Variants in GARNL3 observed in about 807,000 individuals in gnomAD.
GARNL3 encodes GTPase activating Rap/RanGAP domain like 3, also known as GTPase-activating Rap/Ran-GAP domain-like protein 3.
GARNL3 carries 63 observed loss-of-function variants against 125.0 expected under a neutral mutation model. The ratio of observed to expected loss-of-function variants is 0.50; its 90% CI spans 0.41 to 0.62. The LOEUF (loss-of-function observed/expected upper bound fraction) is 0.62, where lower values mean the gene tolerates loss of function less well. Among genes scored for constraint, GARNL3 ranks in the 20% least tolerant of loss-of-function variants. GARNL3 has a pLI of 0.00. For synonymous variants in GARNL3, 439 were observed against 457.5 expected (o/e 0.96, Z 0.52); for missense variants, 994 against 1,244.0 (o/e 0.80, Z 3.02).
At chr9:127,312,508 A>C (rs1270303994) in intron 3 of GARNL3, among the ~76,000 whole-genome samples, 2 of 150,894 alleles carry the variant, frequency 1.3e-5, no homozygotes, top group African/African-American at 4.8e-5. Flanking sequence ...TGAAGGGCTC[A>C]AGTGAAAATA....
At chr9:127,285,649 G>C (rs1344885164) in intron 1 of GARNL3, among the ~76,000 whole-genome samples, 1 of 151,976 alleles carries the variant, frequency 6.6e-6, no homozygotes, top group Non-Finnish European at 1.5e-5. Context: ...CTTCTTTCTA[G>C]TTATAATAGT....
chr9:127,259,721 A>G (rs2063550963), upstream of GARNL3, among the ~76,000 whole-genome samples: 1 of 152,050 alleles, frequency 6.6e-6, no homozygotes, highest in African/African-American at 2.4e-5. Flanking sequence ...CCTTTCTAAA[A>G]ACCTGAGAGG....
chr9:127,240,584 A>G (rs2063186625), intron 1 of GARNL3, among the ~76,000 whole-genome samples: 1 of 152,082 alleles, frequency 6.6e-6, no homozygotes, highest in South Asian at 2.1e-4. Context: ...GTGACTTTAC[A>G]TTTTCTAGTA....
intron 22 of GARNL3, 138 bp downstream of exon 22, chr9:127,365,504 G>T: frequency 1.4e-6 from 1 of 738,990 alleles, no homozygotes. Context: ...GGAAGGAACT[G>T]AAAAATACCT....
chr9:127,388,371 T>A (rs1169596544), intron 25 of GARNL3: 1 of 155,354 alleles, frequency 6.4e-6, no homozygotes, highest in Non-Finnish European at 1.4e-5. Flanking sequence ...GCTATAGAGT[T>A]TCCAACTTGC....
At chr9:127,233,702 CA>C (rs1475877876) in intron 1 of GARNL3, among the ~76,000 whole-genome samples, 3 of 152,224 alleles carry the variant, frequency 2.0e-5, no homozygotes, top group African/African-American at 7.2e-5. Context: ...TTGCTCTGTG[CA>C]TGGTGGTTTC....
intron 7 of GARNL3, among the ~76,000 whole-genome samples, chr9:127,326,817 C>T (rs1426722811): frequency 6.6e-6 from 1 of 152,040 alleles, no homozygotes; most frequent in Non-Finnish European, 1.5e-5. Flanking sequence ...GCTTGTTTGC[C>T]CCTTTCACCA....
At chr9:127,352,667 G>A (rs1157923824) in intron 17 of GARNL3, among the ~76,000 whole-genome samples, 2 of 152,172 alleles carry the variant, frequency 1.3e-5, no homozygotes, top group Admixed American at 6.5e-5. Context: ...CTTAGTCTGT[G>A]TTCTGACAAA....
intron 2 of GARNL3, among the ~76,000 whole-genome samples, chr9:127,309,106 A>T (rs1312106950): frequency 6.6e-6 from 1 of 152,206 alleles, no homozygotes; most frequent in African/African-American, 2.4e-5. Flanking sequence ...AATAATACTA[A>T]AATTTTCACC....
rs1037469724 is a variant in GARNL3 at position 127,313,321 on chromosome 9, C to A, written c.320-120C>A. 8 of 758,186 alleles carry A rather than the reference C, an allele frequency of 1.1e-5. No homozygotes were observed. In the African/African-American group the frequency reaches 1.4e-4, roughly 13 times the overall value. 47.0% of individuals were successfully genotyped at this position (758,186 alleles called of 1,614,324 possible). A position where few individuals can be genotyped will look rare whatever the true frequency, so the allele number is the denominator to read the frequency against. Reference sequence around the variant, plus strand: ...GAGATCAGGGTCCATCCCAAGCTGGCTTTGGGATTATTGTTCCCTGAGCAT... The same window carrying A: ...GAGATCAGGGTCCATCCCAAGCTGGATTTGGGATTATTGTTCCCTGAGCAT... On this transcript the variant is annotated intron_variant, in intron 3 of 27. Transcript: ENST00000373387.
intron 21 of GARNL3, chr9:127,365,072 G>T (rs1564182788): frequency 2.1e-6 from 1 of 485,478 alleles, no homozygotes; most frequent in Non-Finnish European, 3.6e-6. Flanking sequence ...AGAGAAGAAA[G>T]AATGGAGAGA....
At chr9:127,226,648 C>T (rs575855908) in intron 1 of GARNL3, among the ~76,000 whole-genome samples, 2 of 152,356 alleles carry the variant, frequency 1.3e-5, no homozygotes, top group South Asian at 2.1e-4. Flanking sequence ...GCCCACCCCT[C>T]CTCCTTCGGA....
intron 22 of GARNL3, among the ~76,000 whole-genome samples, chr9:127,378,341 A>T (rs1039635710): frequency 6.6e-6 from 1 of 152,066 alleles, no homozygotes; most frequent in Non-Finnish European, 1.5e-5. Flanking sequence ...TAATCCCAGC[A>T]CTTTGGGAGG....
At chr9:127,308,957 G>T (rs2065026217) in intron 2 of GARNL3, among the ~76,000 whole-genome samples, 1 of 152,184 alleles carries the variant, frequency 6.6e-6, no homozygotes, top group Non-Finnish European at 1.5e-5. Context: ...AATCTGGTAA[G>T]TAAAAGGTAA....
intron 2 of GARNL3, chr9:127,300,871 A>G (rs2064763096): frequency 6.6e-6 from 2 of 304,282 alleles, no homozygotes; most frequent in African/African-American, 2.3e-5. Context: ...GTTGGTAATG[A>G]ACAGACTCCA....
chr9:127,247,073 A>T (rs1196652894), intron 2 of GARNL3, among the ~76,000 whole-genome samples: 2 of 151,212 alleles, frequency 1.3e-5, no homozygotes, highest in Non-Finnish European at 1.5e-5. Context: ...CAGCTGTCTT[A>T]GTTTGCCTCT....
At position 127,302,341 on chromosome 9, in the gene GARNL3, C is replaced by T. The variant is rs903116754; in HGVS notation, c.220-9295C>T. Among the ~76,000 whole-genome samples, 3 of 152,022 alleles carry T rather than the reference C, an allele frequency of 2.0e-5. No individual in the cohort carries two copies. The East Asian group carries it at 5.8e-4, about 29-fold the overall frequency. ...AAAATGTGTATACCATTTGGCAAGA[C>T]CTTCTATTGCTAGGACGTATATTGT... On this transcript the variant is annotated intron_variant, in intron 2 of 27. Coordinates refer to ENST00000373387, the MANE Select transcript of GARNL3 (RefSeq NM_032293.5).
chr9:127,379,194 C>G (rs1832109870), intron 22 of GARNL3, among the ~76,000 whole-genome samples: 1 of 152,212 alleles, frequency 6.6e-6, no homozygotes, highest in South Asian at 2.1e-4. Flanking sequence ...GGAGCAGTAG[C>G]TTTACTTGGC....
At chr9:127,232,307 C>T (rs2063032622) in intron 1 of GARNL3, among the ~76,000 whole-genome samples, 1 of 152,124 alleles carries the variant, frequency 6.6e-6, no homozygotes, top group African/African-American at 2.4e-5. Context: ...CATCAACATC[C>T]CTTCTTTTTG....
Sources: gnomAD v4.1 joint callset for allele counts (sites outside exome capture counted in the v4.1 genomes callset) on GRCh38, gnomAD v4.1.1 for gene constraint, MANE v1.5 for transcripts, NCBI Gene and HGNC (gene_info 2026-07-23, HGNC 2026-07-21) for gene names.